VGLL1: variants seen among roughly 807,000 people sequenced by gnomAD.
VGLL1 encodes the protein transcription cofactor vestigial-like protein 1.
VGLL1 carries 4 observed loss-of-function variants against 12.0 expected under a neutral mutation model. The observed-to-expected ratio is 0.33, with a 90% confidence interval of 0.16 to 0.76. The LOEUF is 0.76. VGLL1 is among the 30% of genes least tolerant of loss of function. VGLL1 has a pLI of 0.60. For missense variants in VGLL1, 204 were observed against 208.7 expected, an observed-to-expected ratio of 0.98 and a Z score of 0.14; for synonymous variants, 87 against 81.2, an observed-to-expected ratio of 1.07 and a Z score of -0.39.
chrX:136,554,627 A>G (rs182698215), intron 4 of VGLL1, among the ~76,000 whole-genome samples: 11 of 112,045 alleles, frequency 9.8e-5, no homozygotes, highest in African/African-American at 2.9e-4. Flanking sequence ...AAGAATGAAA[A>G]CAAAGAGGCA....
chrX:136,532,585 CTTTCTTTCTT>C (rs2075826038), intron 1 of VGLL1, among the ~76,000 whole-genome samples: 1 of 20,771 alleles, frequency 4.8e-5, no homozygotes, highest in Non-Finnish European at 9.6e-5. Flanking sequence ...TTCTTTCTTT[CTTTCTTTCTT>C]TCTTTCTTTC....
chrX:136,532,711 T>C (rs2075829095), intron 1 of VGLL1, among the ~76,000 whole-genome samples: 1 of 106,274 alleles, frequency 9.4e-6, no homozygotes, highest in Non-Finnish European at 1.9e-5. Flanking sequence ...CTTTCTTTTT[T>C]TTTTTTCAGA....
intron 2 of VGLL1, among the ~76,000 whole-genome samples, chrX:136,536,478 T>C (rs1372739660): frequency 1.8e-5 from 2 of 111,500 alleles, no homozygotes; most frequent in African/African-American, 3.3e-5. Flanking sequence ...TCCGTCATGT[T>C]CGCTTTGATT....
intron 1 of VGLL1, among the ~76,000 whole-genome samples, chrX:136,535,514 G>T (rs188196874): frequency 9.0e-6 from 1 of 111,044 alleles, no homozygotes; most frequent in African/African-American, 3.3e-5. Context: ...ACTCCTCTGC[G>T]TGCGAGTGGT....
chrX:136,548,277 AGGC>A (rs2056749807), intron 2 of VGLL1, among the ~76,000 whole-genome samples: 1 of 112,057 alleles, frequency 8.9e-6, no homozygotes, highest in African/African-American at 3.3e-5. Flanking sequence ...CTGGGATTAC[AGGC>A]ATGAGCCACT....
intron 1 of VGLL1, among the ~76,000 whole-genome samples, chrX:136,533,710 G>A (rs1269418029): frequency 8.9e-6 from 1 of 112,155 alleles, no homozygotes; most frequent in Non-Finnish European, 1.9e-5. Context: ...AAACCAGATG[G>A]CTGGTTTAGG....
intron 2 of VGLL1, among the ~76,000 whole-genome samples, chrX:136,536,886 G>A (rs5975745): frequency 0.19 from 20,716 of 111,743 alleles, 3,516 homozygotes; most frequent in African/African-American, 0.55. Flanking sequence ...TGTGAGCACT[G>A]TATCTAGGTA....
intron 2 of VGLL1, among the ~76,000 whole-genome samples, chrX:136,538,993 A>G (rs2148530238): frequency 9.0e-6 from 1 of 111,165 alleles, no homozygotes; most frequent in South Asian, 3.8e-4. Context: ...ATGGTCTTGA[A>G]TCATTTGGGG....
In VGLL1 at chrX:136,544,441, A is replaced by G. The variant is rs1290973695; in HGVS notation, c.215-4148A>G. On this transcript the variant is annotated intron_variant, in intron 2 of 4. Coordinates refer to ENST00000370634, the MANE Select transcript of VGLL1 (RefSeq NM_016267.4). ...GCCAATCTGCCAGCCCTCCAACCCA[A>G]GGAGCATGTAAAAGTGCCCACCTCA... Among the ~76,000 whole-genome samples the G allele has an allele frequency of 2.7e-5, 3 of 112,446 alleles. No homozygotes were observed. In the East Asian group the frequency reaches 8.4e-4, roughly 31 times the overall value.
In VGLL1 at chrX:136,556,608, A is replaced by G; in HGVS notation, c.*69A>G. 1.9e-6 allele frequency: 2 copies of G among 1,044,386 alleles called. No homozygotes were observed. The highest frequency in any genetic ancestry group is 1.9e-5 in the South Asian group (1 of 51,397). The allele number at this position is 1,044,386 out of a possible 1,213,427, so 86.1% of individuals were successfully genotyped here. ...GCAAGACATCCCTGCATATTGTTCC[A>G]GATAAAAATGAAAGCTGCTCACACC... On this transcript the variant is annotated 3_prime_UTR_variant, in exon 5 of 5. Transcript: ENST00000370634.
chrX:136,551,021 C>A (rs771995007), intron 4 of VGLL1, 200 bp downstream of exon 4: 34 of 353,712 alleles, frequency 9.6e-5, no homozygotes, highest in Non-Finnish European at 1.5e-4. Flanking sequence ...AGAGTATATG[C>A]ACTTCCTATC....
intron 1 of VGLL1, among the ~76,000 whole-genome samples, chrX:136,532,729 G>A (rs780346346): frequency 5.1e-5 from 5 of 98,410 alleles, no homozygotes; most frequent in Non-Finnish European, 1.0e-4. Flanking sequence ...AGAAGTGTGG[G>A]CAATATTTGA....
chrX:136,539,387 C>T (rs2075849726), intron 2 of VGLL1, among the ~76,000 whole-genome samples: 2 of 111,749 alleles, frequency 1.8e-5, no homozygotes, highest in African/African-American at 6.5e-5. Flanking sequence ...CCTCATCACT[C>T]CTTGAAATCG....
chrX:136,548,639 C>T lies in VGLL1; in HGVS notation c.265C>T (p.Pro89Ser). ...QWRYSSPWTK[P>S]QPEVPVTNRA... ...GCGTTACTCGTCTCCATGGACAAAG[C>T]CACAACCAGAAGTACCTGTCACAAA... The change falls in exon 3 of 5, where the codon CCA (proline) becomes TCA (serine). Residue 89 changes from proline (P) to serine (S), a missense_variant. Coordinates refer to ENST00000370634, the MANE Select transcript of VGLL1 (RefSeq NM_016267.4). 2.5e-6 allele frequency: 3 copies of T among 1,212,011 alleles called. No individual in the cohort carries two copies. The highest frequency in any genetic ancestry group is 3.3e-6 in the Non-Finnish European group (3 of 895,547).
In VGLL1 at chrX:136,533,132, T is replaced by C. The variant is rs146070451; in HGVS notation, c.-26+836T>C. Among the ~76,000 whole-genome samples, 184 of 111,604 alleles carry C rather than the reference T, an allele frequency of 1.6e-3. 1 individual carries two copies. Among genetic ancestry groups the C allele is most frequent in the African/African-American group, 5.7e-3 (174 of 30,712 alleles). ...CCAATGACAGTTCTCAGAATTTTAA[T>C]ATTCCTCAAATACAGTTTCTCTCCA... On this transcript the variant is annotated intron_variant, in intron 1 of 4. Transcript: ENST00000370634.
At chrX:136,551,516 G>A (rs2075886244) in intron 4 of VGLL1, among the ~76,000 whole-genome samples, 1 of 111,909 alleles carries the variant, frequency 8.9e-6, no homozygotes, top group Non-Finnish European at 1.9e-5. Context: ...TGGGTTCAGG[G>A]TCAATTGCCA....
intron 2 of VGLL1, among the ~76,000 whole-genome samples, chrX:136,544,858 T>C (rs1260537565): frequency 8.9e-6 from 1 of 111,782 alleles, no homozygotes; most frequent in Admixed American, 9.4e-5. Flanking sequence ...ATGGGCCCCT[T>C]GGCTCAGTCC....
intron 1 of VGLL1, among the ~76,000 whole-genome samples, chrX:136,532,619 TTCTTTCTTTCTTTC>T (rs2075826905): frequency 1.1e-5 from 1 of 94,207 alleles, no homozygotes; most frequent in Non-Finnish European, 2.1e-5. Flanking sequence ...CTTTCTTTCT[TTCTTTCTTTCTTTC>T]TTTCTTTCTT....
intron 2 of VGLL1, among the ~76,000 whole-genome samples, chrX:136,536,798 A>G (rs368366671): frequency 8.9e-6 from 1 of 112,365 alleles, no homozygotes; most frequent in African/African-American, 3.2e-5. Context: ...TCTAGCATCT[A>G]GAAACAGTGA....
Sources: gnomAD v4.1 joint callset for allele counts (sites outside exome capture counted in the v4.1 genomes callset) on GRCh38, gnomAD v4.1.1 for gene constraint, MANE v1.5 for transcripts, NCBI Gene and HGNC (gene_info 2026-07-23, HGNC 2026-07-21) for gene names.